The following AGBL4 variants were observed in gnomAD, a reference collection of about 807,000 sequenced individuals.
The protein encoded by AGBL4 is cytosolic carboxypeptidase 6.
In AGBL4, 58 loss-of-function variants were observed where a neutral mutation model predicts 66.4. That is an observed-to-expected ratio of 0.87 (90% confidence interval 0.71 to 1.09). The LOEUF (loss-of-function observed/expected upper bound fraction) is 1.09. Ranked by LOEUF, AGBL4 falls within the 50% of genes least tolerant of loss-of-function variation. The pLI is 0.00. For synonymous variants in AGBL4, 234 were observed against 222.9 expected (o/e 1.05, Z -0.44); for missense variants, 579 against 631.0 (o/e 0.92, Z 0.88).
chr1:49,346,222 A>T (rs1221159885), intron 3 of AGBL4, among the ~76,000 whole-genome samples: 1 of 152,180 alleles, frequency 6.6e-6, no homozygotes, highest in Non-Finnish European at 1.5e-5. Context: ...CTAGTATTAG[A>T]TTCTACTCTC....
chr1:49,783,962 G>A (rs2147911545), intron 2 of AGBL4, among the ~76,000 whole-genome samples: 1 of 152,080 alleles, frequency 6.6e-6, no homozygotes, highest in Non-Finnish European at 1.5e-5. Flanking sequence ...TTTGTACACT[G>A]AAAACTACAA....
At chr1:48,604,336 G>A (rs187607757) in intron 9 of AGBL4, among the ~76,000 whole-genome samples, 1 of 152,092 alleles carries the variant, frequency 6.6e-6, no homozygotes, top group African/African-American at 2.4e-5. Flanking sequence ...ATAAGTTTGA[G>A]CTGTATGTTT....
chr1:48,801,054 A>G (rs1444629371), intron 6 of AGBL4, among the ~76,000 whole-genome samples: 1 of 152,110 alleles, frequency 6.6e-6, no homozygotes. Flanking sequence ...AAGGGGGATT[A>G]TGGCTGCCTC....
At chr1:49,775,475 A>C (rs1161511070) in intron 2 of AGBL4, among the ~76,000 whole-genome samples, 2 of 152,106 alleles carry the variant, frequency 1.3e-5, no homozygotes, top group Non-Finnish European at 2.9e-5. Flanking sequence ...TGTACAATTA[A>C]ATATTATCTG....
intron 3 of AGBL4, among the ~76,000 whole-genome samples, chr1:49,548,710 T>C (rs1400079093): frequency 3.3e-5 from 5 of 152,234 alleles, no homozygotes; most frequent in Non-Finnish European, 7.3e-5. Context: ...GCATCTATGT[T>C]CATCAAGGAT....
At chr1:49,639,545 C>G (rs1157263034) in intron 3 of AGBL4, among the ~76,000 whole-genome samples, 1 of 152,100 alleles carries the variant, frequency 6.6e-6, no homozygotes, top group Non-Finnish European at 1.5e-5. Context: ...AGTGGTAGAG[C>G]CTGGATCCAA....
At chr1:49,550,388 T>C (rs141099106) in intron 3 of AGBL4, among the ~76,000 whole-genome samples, 27 of 152,368 alleles carry the variant, frequency 1.8e-4, no homozygotes, top group African/African-American at 5.8e-4. Context: ...ATTTTTGTTT[T>C]ATAAGTCCTG....
intron 5 of AGBL4, among the ~76,000 whole-genome samples, chr1:48,926,057 A>T (rs1654531172): frequency 6.6e-6 from 1 of 152,108 alleles, no homozygotes; most frequent in African/African-American, 2.4e-5. Flanking sequence ...CACCTTTAGA[A>T]ACAGAACAGC....
chr1:49,862,420 G>C (rs1300458637), intron 1 of AGBL4, among the ~76,000 whole-genome samples: 1 of 150,350 alleles, frequency 6.7e-6, no homozygotes, highest in African/African-American at 2.4e-5. Context: ...GCAAATTTAA[G>C]AGATAATGGC....
intron 8 of AGBL4, among the ~76,000 whole-genome samples, chr1:48,649,112 G>A (rs1048158145): frequency 5.3e-5 from 8 of 152,192 alleles, no homozygotes; most frequent in Admixed American, 3.3e-4. Context: ...AGAGAACAAG[G>A]TAAACAAAGT....
intron 2 of AGBL4, among the ~76,000 whole-genome samples, chr1:49,735,542 TA>T (rs200798145): frequency 5.3e-5 from 8 of 151,848 alleles, no homozygotes; most frequent in Non-Finnish European, 8.8e-5. Context: ...AAATATAAGA[TA>T]AAAAAATGCA....
chr1:49,449,788 A>G (rs1374501545), intron 3 of AGBL4, among the ~76,000 whole-genome samples: 2 of 152,070 alleles, frequency 1.3e-5, no homozygotes, highest in East Asian at 1.9e-4. Context: ...TTCTCAGTTT[A>G]GTATTTTACA....
intron 6 of AGBL4, among the ~76,000 whole-genome samples, chr1:48,681,554 A>C (rs989297825): frequency 1.2e-4 from 18 of 152,142 alleles, no homozygotes; most frequent in African/African-American, 4.3e-4. Context: ...GGATATCATG[A>C]CGGTTTCTTT....
At chr1:48,816,613 C>T (rs1297825756) in intron 6 of AGBL4, among the ~76,000 whole-genome samples, 2 of 152,148 alleles carry the variant, frequency 1.3e-5, no homozygotes, top group Non-Finnish European at 2.9e-5. Flanking sequence ...TCTCATTTCC[C>T]TCAAGGATTA....
chr1:49,904,385 G>T (rs78317852), intron 1 of AGBL4, among the ~76,000 whole-genome samples: 1 of 152,164 alleles, frequency 6.6e-6, no homozygotes, highest in East Asian at 1.9e-4. Flanking sequence ...AATTTCCAGT[G>T]TTGGTGCAAC....
At chr1:48,762,438 C>T (rs1380471674) in intron 6 of AGBL4, among the ~76,000 whole-genome samples, 1 of 152,160 alleles carries the variant, frequency 6.6e-6, no homozygotes, top group African/African-American at 2.4e-5. Context: ...TCTGGACTGT[C>T]CCCTTGTGGT....
intron 3 of AGBL4, among the ~76,000 whole-genome samples, chr1:49,537,712 CAGG>C (rs1651709228): frequency 6.6e-6 from 1 of 152,142 alleles, no homozygotes; most frequent in Non-Finnish European, 1.5e-5. Context: ...ATCATGAGGT[CAGG>C]AGATCAAGAC....
intron 3 of AGBL4, among the ~76,000 whole-genome samples, chr1:49,279,865 C>T (rs926420541): frequency 3.3e-5 from 5 of 152,026 alleles, no homozygotes; most frequent in African/African-American, 1.2e-4. Flanking sequence ...ATATTCCATC[C>T]CCAGAACTCA....
chr1:48,855,038 G>C (rs370258675), intron 6 of AGBL4, among the ~76,000 whole-genome samples: 3 of 152,294 alleles, frequency 2.0e-5, no homozygotes, highest in African/African-American at 7.2e-5. Context: ...ATTTAGGCTT[G>C]GACTGAAGAA....
Sources: allele counts gnomAD v4.1 joint callset (sites outside exome capture counted in the v4.1 genomes callset), GRCh38; gene constraint gnomAD v4.1.1; transcripts MANE v1.5; gene names NCBI Gene and HGNC (gene_info 2026-07-23, HGNC 2026-07-21).